The following SLC24A4 variants were observed in gnomAD, a reference collection of about 807,000 sequenced individuals.
The protein encoded by SLC24A4 is sodium/potassium/calcium exchanger 4.
In SLC24A4, 53 loss-of-function variants were observed where a neutral mutation model predicts 79.0. The observed-to-expected ratio is 0.67, with a 90% CI of 0.54 to 0.84. The LOEUF is 0.84. SLC24A4 is among the 40% of genes least tolerant of loss of function. The pLI is 0.00. For synonymous variants in SLC24A4, 323 were observed against 323.8 expected, an observed-to-expected ratio of 1.00 and a Z score of 0.03; for missense variants, 731 against 822.0, an observed-to-expected ratio of 0.89 and a Z score of 1.35.
At chr14:92,448,757 C>T (rs1375085355) in intron 9 of SLC24A4, among the ~76,000 whole-genome samples, 3 of 152,266 alleles carry the variant, frequency 2.0e-5, no homozygotes, top group South Asian at 2.1e-4. Flanking sequence ...TGCCCAGAGG[C>T]GAGGCCGAGC....
Position 92,323,914 on chromosome 14 carries a change from G to C in SLC24A4, c.84G>C (p.Ala28=), listed in dbSNP as rs760699018. The stretch of plus-strand genomic sequence containing the variant: ...CGCAGCAAGTCGGCTTCGTGTGCGC[G>C]GTGCTGGCCCTGGTGTGCTGTGCGT... ...MLPQQVGFVC[A]VLALVCCASG... Residue 28 remains alanine, a synonymous_variant, in exon 1 of 17, where the codon GCG becomes GCC. Coordinates refer to ENST00000532405, the MANE Select transcript of SLC24A4 (RefSeq NM_153646.4). This position sits in a 1 kb window ranked among gnomAD's most constrained non-coding sequence, Gnocchi z 4.9. 5.6e-6 allele frequency: 9 copies of C among 1,610,562 alleles called. No individual in the cohort carries two copies. Among genetic ancestry groups the C allele is most frequent in the Non-Finnish European group, 1.7e-6 (2 of 1,179,804 alleles).
rs760891357 is a variant in SLC24A4 at position 92,482,697 on chromosome 14, G to A, written c.1273G>A (p.Val425Ile). The A allele has an allele frequency of 1.9e-6, 3 of 1,613,606 alleles. No homozygotes were observed. The South Asian group carries it at 3.3e-5, about 18-fold the overall frequency. ...CCCTGCAGAGGCCAGAGGGGACAAG[G>A]TCAAGTGGGTGTTCACCTGGCCCCT... The part of the protein sequence containing the change: ...FSVPEARGDK[V>I]KWVFTWPLIF... Residue 425 changes from valine (V) to isoleucine (I), a missense_variant, in exon 13 of 17, where the codon GTC becomes ATC. Transcript: ENST00000532405.
chr14:92,342,596 T>C (rs1193224445), intron 2 of SLC24A4, among the ~76,000 whole-genome samples: 1 of 152,132 alleles, frequency 6.6e-6, no homozygotes, highest in Non-Finnish European at 1.5e-5. Context: ...TTGGCCAGGC[T>C]GGTCTCGAAC....
chr14:92,491,625 AC>A (rs1457420163), intron 14 of SLC24A4, 39 bp from the exon 15 acceptor site: 4 of 1,359,506 alleles, frequency 2.9e-6, no homozygotes, highest in Non-Finnish European at 4.2e-6. Flanking sequence ...GCTTCTGGTG[AC>A]CTGCTCTTAT....
In SLC24A4 at chr14:92,501,204, A is replaced by C. The variant is rs1896147605; in HGVS notation, c.*7576A>C. The C allele has an allele frequency of 6.6e-6, 1 of 152,226 alleles. No homozygotes were observed. The highest frequency in any genetic ancestry group is 2.1e-4 in the South Asian group (1 of 4,832). The allele number at this position is 152,226 out of a possible 1,614,324, so 9.4% of individuals were successfully genotyped here. On this transcript the variant is annotated 3_prime_UTR_variant, in exon 17 of 17. Coordinates refer to ENST00000532405, the MANE Select transcript of SLC24A4 (RefSeq NM_153646.4). ...AGGATCATCGAGTTGAAAAGTTGTAAATAATGAGGATATTTATCCCGCTAT... is the reference window on the plus strand; with the variant it reads ...AGGATCATCGAGTTGAAAAGTTGTACATAATGAGGATATTTATCCCGCTAT...
intron 2 of SLC24A4, among the ~76,000 whole-genome samples, chr14:92,347,092 G>A (rs551306404): frequency 6.6e-6 from 1 of 152,196 alleles, no homozygotes; most frequent in Non-Finnish European, 1.5e-5. Context: ...ACATAGGAAT[G>A]CTTTACAATC....
chr14:92,355,799 G>A (rs968019116), intron 2 of SLC24A4, among the ~76,000 whole-genome samples: 3 of 152,210 alleles, frequency 2.0e-5, no homozygotes, highest in African/African-American at 7.2e-5. Context: ...AGTCGGCCAG[G>A]TGAGGTACCC....
intron 2 of SLC24A4, among the ~76,000 whole-genome samples, chr14:92,357,456 G>A (rs1887243180): frequency 6.6e-6 from 1 of 152,164 alleles, no homozygotes; most frequent in South Asian, 2.1e-4. Flanking sequence ...GTCTGTCAGT[G>A]GATGAATGGC....
chr14:92,456,719 G>A, intron 12 of SLC24A4, 111 bp downstream of exon 12: 2 of 1,090,744 alleles, frequency 1.8e-6, no homozygotes, highest in Non-Finnish European at 2.7e-6. Context: ...CAGAGGGCTG[G>A]TGCAAAGGGT....
intron 2 of SLC24A4, among the ~76,000 whole-genome samples, chr14:92,430,945 G>A (rs2139782415): frequency 6.6e-6 from 1 of 152,338 alleles, no homozygotes; most frequent in Admixed American, 6.5e-5. Context: ...AGCCCCCTCA[G>A]ACACGCAAGC....
At chr14:92,344,010 G>A (rs1186307162) in intron 2 of SLC24A4, among the ~76,000 whole-genome samples, 2 of 152,116 alleles carry the variant, frequency 1.3e-5, no homozygotes, top group African/African-American at 2.4e-5. Context: ...ACCAAGGCAG[G>A]ACTTTTTTGT....
intron 2 of SLC24A4, among the ~76,000 whole-genome samples, chr14:92,413,036 A>C (rs1449120301): frequency 3.9e-5 from 6 of 152,360 alleles, no homozygotes; most frequent in South Asian, 2.1e-4. Flanking sequence ...GGCTGCTTTC[A>C]TGCCACAGCG....
chr14:92,488,651 C>T (rs1055869639), intron 14 of SLC24A4, among the ~76,000 whole-genome samples: 1 of 147,020 alleles, frequency 6.8e-6, no homozygotes, highest in African/African-American at 2.5e-5. Flanking sequence ...TCACAGGTTC[C>T]AGATGGACAT....
At chr14:92,350,462 C>T (rs1047657027) in intron 2 of SLC24A4, among the ~76,000 whole-genome samples, 1 of 151,930 alleles carries the variant, frequency 6.6e-6, no homozygotes, top group Admixed American at 6.5e-5. Context: ...ACAGGACCCT[C>T]CCAAATTGTT....
intron 2 of SLC24A4, among the ~76,000 whole-genome samples, chr14:92,348,039 T>C (rs1448459128): frequency 6.6e-6 from 1 of 152,232 alleles, no homozygotes; most frequent in African/African-American, 2.4e-5. Flanking sequence ...AAAAGAACAG[T>C]TGAGATGTTA....
At chr14:92,444,133 A>T (rs1892657623) in intron 7 of SLC24A4, among the ~76,000 whole-genome samples, 3 of 152,106 alleles carry the variant, frequency 2.0e-5, no homozygotes, top group African/African-American at 7.2e-5. Context: ...ACCCCCCAAA[A>T]AATAGATGTC....
intron 2 of SLC24A4, among the ~76,000 whole-genome samples, chr14:92,419,613 C>T (rs745921245): frequency 2.0e-5 from 3 of 152,192 alleles, no homozygotes; most frequent in Non-Finnish European, 4.4e-5. Flanking sequence ...CAAACTGTGA[C>T]ACTTTTGATA....
At chr14:92,487,413 G>C (rs1436271187) in intron 14 of SLC24A4, among the ~76,000 whole-genome samples, 2 of 148,802 alleles carry the variant, frequency 1.3e-5, no homozygotes, top group Non-Finnish European at 3.0e-5. Flanking sequence ...GGATGGGGAT[G>C]GGTGAATAAT....
chr14:92,439,263 G>T, intron 3 of SLC24A4, 72 bp from the exon 4 acceptor site: 1 of 1,311,890 alleles, frequency 7.6e-7, no homozygotes, highest in Non-Finnish European at 1.1e-6. Context: ...GCCTGGTTTG[G>T]GGTGTGGTGG....
Sources: gnomAD v4.1 joint callset for allele counts (sites outside exome capture counted in the v4.1 genomes callset) on GRCh38, gnomAD v4.1.1 for gene constraint, Gnocchi (gnomAD v3.1) non-coding constraint, MANE v1.5 for transcripts, NCBI Gene and HGNC (gene_info 2026-07-23, HGNC 2026-07-21) for gene names.